UNC5D: variants seen among roughly 807,000 people sequenced by gnomAD.
UNC5D encodes the protein unc-5 netrin receptor D, also known as netrin receptor UNC5D.
A neutral mutation model predicts 105.4 loss-of-function variants in UNC5D; 39 were observed. That is an observed-to-expected ratio of 0.37 (90% CI 0.29 to 0.48). The LOEUF is 0.48. UNC5D is among the 20% of genes least tolerant of loss of function. The pLI, the probability that UNC5D is intolerant of heterozygous loss-of-function variation, is 0.98. For missense variants in UNC5D, 991 were observed against 1,202.4 expected, an observed-to-expected ratio of 0.82 and a Z score of 2.60; for synonymous variants, 452 against 450.4, an observed-to-expected ratio of 1.00 and a Z score of -0.04.
At chr8:35,738,242 T>A (rs544475093) in intron 11 of UNC5D, among the ~76,000 whole-genome samples, 2 of 152,340 alleles carry the variant, frequency 1.3e-5, no homozygotes, top group South Asian at 4.1e-4. Context: ...CAAATCATTC[T>A]CTTTCTCTAG....
At chr8:35,612,229 G>A (rs913494974) in intron 4 of UNC5D, among the ~76,000 whole-genome samples, 2 of 152,172 alleles carry the variant, frequency 1.3e-5, no homozygotes, top group African/African-American at 4.8e-5. Flanking sequence ...TAGAAAACTC[G>A]GGAAGGTCAA....
In UNC5D at chr8:35,722,317, G is replaced by T; in HGVS notation, c.1225G>T (p.Asp409Tyr). 1.9e-6 allele frequency: 3 copies of T among 1,614,158 alleles called. No individual in the cohort carries two copies. Among genetic ancestry groups the T allele is most frequent in the Non-Finnish European group, 2.5e-6 (3 of 1,180,028 alleles). The change falls in exon 9 of 17, where the codon GAC becomes TAC. Residue 409 changes from aspartate (D) to tyrosine (Y), a missense_variant. Asp to Tyr is a radical substitution (Grantham distance 160, BLOSUM62 -3). Transcript: ENST00000404895. ...CACCCTTTACAGACGGAGCCAGAGT[G>T]ACTATGGCGTGGACGTCATTGACTC... ...GVTLYRRSQS[D>Y]YGVDVIDSSA...
In UNC5D at chr8:35,529,524, C is replaced by G. The variant is rs1191447860; in HGVS notation, c.104-19768C>G. Among the ~76,000 whole-genome samples, 1,174 of 135,132 alleles carry G rather than the reference C, an allele frequency of 8.7e-3. 27 individuals carry two copies. The highest frequency in any genetic ancestry group is 0.032 in the African/African-American group (1,102 of 33,912). The allele number at this position is 135,132 out of a possible 152,430, so 88.7% of individuals were successfully genotyped here. A position where few individuals can be genotyped will look rare whatever the true frequency, so the allele number is the denominator to read the frequency against. On this transcript the variant is annotated intron_variant, in intron 1 of 16. Coordinates refer to ENST00000404895, the MANE Select transcript of UNC5D (RefSeq NM_080872.4). ...TTCTTTTGGCTTAGGATTGACTTGG[C>G]GATGCGGGCTCTTTTTTGGTTCCAT...
chr8:35,526,930 TA>T (rs1405875779), intron 1 of UNC5D, among the ~76,000 whole-genome samples: 2 of 152,218 alleles, frequency 1.3e-5, no homozygotes, highest in Non-Finnish European at 2.9e-5. Flanking sequence ...AATGAATGTG[TA>T]AATGACTGTT....
rs1801417701 is a variant in UNC5D at position 35,759,372 on chromosome 8, A to C, written c.2216A>C (p.Lys739Thr). Residue 739 changes from lysine to threonine, a missense_variant, in exon 14 of 17, where the codon AAA (lysine) becomes ACA (threonine). Around this residue, in one of 3 missense-constraint regions of UNC5D, gnomAD observed 944 missense variants for 1,131.6 expected, o/e 0.83. Coordinates refer to ENST00000404895, the MANE Select transcript of UNC5D (RefSeq NM_080872.4). ...GGTGGACAGCTCCTGGAAGAACCAA[A>C]ATTGCTGCATTTCAAAGGGAATACC... ...HQGGQLLEEP[K>T]LLHFKGNTFS... 1 of 1,614,104 alleles carries C rather than the reference A, an allele frequency of 6.2e-7. No individual in the cohort carries two copies. The highest frequency in any genetic ancestry group is 8.5e-7 in the Non-Finnish European group (1 of 1,179,988).
intron 4 of UNC5D, among the ~76,000 whole-genome samples, chr8:35,641,361 TAAAG>T (rs1822701938): frequency 1.3e-4 from 1 of 7,464 alleles, no homozygotes; most frequent in African/African-American, 5.7e-4. Flanking sequence ...GAAAAAAAAA[TAAAG>T]CAAAAAAAAA....
At chr8:35,476,857 G>A (rs1810138942) in intron 1 of UNC5D, among the ~76,000 whole-genome samples, 1 of 152,170 alleles carries the variant, frequency 6.6e-6, no homozygotes, top group African/African-American at 2.4e-5. Context: ...TCACAGCCCA[G>A]GGCTTGGACG....
At chr8:35,702,099 C>T (rs576899506) in intron 7 of UNC5D, among the ~76,000 whole-genome samples, 1 of 151,992 alleles carries the variant, frequency 6.6e-6, no homozygotes, top group Non-Finnish European at 1.5e-5. Flanking sequence ...TCATCAATTT[C>T]CAACTTACTC....
chr8:35,332,451 T>G (rs941522198), intron 1 of UNC5D, among the ~76,000 whole-genome samples: 1 of 152,210 alleles, frequency 6.6e-6, no homozygotes. Flanking sequence ...TGCAGTAATG[T>G]CTTGTGAATA....
intron 1 of UNC5D, among the ~76,000 whole-genome samples, chr8:35,475,354 A>G (rs1810010727): frequency 6.6e-6 from 1 of 152,210 alleles, no homozygotes; most frequent in African/African-American, 2.4e-5. Context: ...GTGGAGGCCC[A>G]GAAGGGGACC....
At chr8:35,338,094 C>G (rs146554745) in intron 1 of UNC5D, among the ~76,000 whole-genome samples, 33 of 151,992 alleles carry the variant, frequency 2.2e-4, no homozygotes, top group Non-Finnish European at 4.1e-4. Context: ...TTGTCTATAA[C>G]GTCTGTGGTT....
intron 4 of UNC5D, among the ~76,000 whole-genome samples, chr8:35,604,535 C>T (rs530023387): frequency 8.8e-4 from 134 of 152,034 alleles, no homozygotes; most frequent in African/African-American, 2.9e-3. Context: ...GAGTTGCTCT[C>T]CTCGAGGAGT....
chr8:35,559,405 C>G lies in UNC5D; in HGVS notation c.323-8693C>G, dbSNP rs558874664. On this transcript the variant is annotated intron_variant, in intron 2 of 16. Transcript: ENST00000404895. Reference sequence around the variant, plus strand: ...ACAGAGAACTTCCAAATGATTGAAGCAGTAAGGCTGAGTGGAGAGGCAAGC... The same window carrying G: ...ACAGAGAACTTCCAAATGATTGAAGGAGTAAGGCTGAGTGGAGAGGCAAGC... Among the ~76,000 whole-genome samples the G allele has an allele frequency of 2.1e-4, 32 of 152,300 alleles. No homozygotes were observed. In the South Asian group the frequency reaches 6.4e-3, roughly 31 times the overall value.
In UNC5D at chr8:35,713,525, G is replaced by A. The variant is rs145905199; in HGVS notation, c.1117+7564G>A. Reference sequence around the variant, plus strand: ...CAAAGAAACATCAAATAAAGTTTAGGATAAATATGCCCCACATATCGCATG... The same window carrying A: ...CAAAGAAACATCAAATAAAGTTTAGAATAAATATGCCCCACATATCGCATG... On this transcript the variant is annotated intron_variant, in intron 8 of 16. Transcript: ENST00000404895. 1.2e-3 allele frequency among the ~76,000 whole-genome samples: 189 copies of A among 152,222 alleles called. 1 individual carries two copies. The highest frequency in any genetic ancestry group is 4.1e-3 in the African/African-American group (171 of 41,526).
chr8:35,543,487 C>A (rs919024938), intron 1 of UNC5D, among the ~76,000 whole-genome samples: 83 of 152,290 alleles, frequency 5.5e-4, no homozygotes, highest in African/African-American at 1.8e-3. Context: ...ATGCTTAACC[C>A]TATTAGAATG....
intron 1 of UNC5D, among the ~76,000 whole-genome samples, chr8:35,328,700 T>C (rs531722796): frequency 1.3e-4 from 20 of 152,246 alleles, no homozygotes; most frequent in Admixed American, 2.6e-4. Context: ...AGACATCACA[T>C]ATAAACTTAA....
chr8:35,752,527 T>C (rs1406247113), intron 13 of UNC5D, among the ~76,000 whole-genome samples: 3 of 152,140 alleles, frequency 2.0e-5, no homozygotes, highest in East Asian at 1.9e-4. Context: ...CACTTCATCT[T>C]TGGCTGCTCA....
intron 1 of UNC5D, among the ~76,000 whole-genome samples, chr8:35,468,884 G>C (rs750346341): frequency 6.6e-6 from 1 of 152,194 alleles, no homozygotes; most frequent in Non-Finnish European, 1.5e-5. Flanking sequence ...TACCAGGTGA[G>C]TTAGAAGAAA....
intron 1 of UNC5D, among the ~76,000 whole-genome samples, chr8:35,365,960 GAATA>G (rs1802098288): frequency 6.6e-6 from 1 of 151,996 alleles, no homozygotes; most frequent in Non-Finnish European, 1.5e-5. Context: ...ATAAACAGAA[GAATA>G]AATAAGACAT....
Sources: allele counts gnomAD v4.1 joint callset (sites outside exome capture counted in the v4.1 genomes callset), GRCh38; gene constraint gnomAD v4.1.1; regional missense constraint gnomAD v4.1.1; transcripts MANE v1.5; gene names NCBI Gene and HGNC (gene_info 2026-07-23, HGNC 2026-07-21).